Variants in MTUS2 observed in about 807,000 individuals in gnomAD.
MTUS2 encodes the protein microtubule associated scaffold protein 2.
A neutral mutation model predicts 114.1 loss-of-function variants in MTUS2; 40 were observed. That is an observed-to-expected ratio of 0.35 (90% CI 0.27 to 0.46). MTUS2 has a LOEUF of 0.46. Among genes scored for constraint, MTUS2 ranks in the 20% least tolerant of loss-of-function variants. The pLI is 1.00. For missense variants in MTUS2, 1,679 were observed against 1,705.4 expected (o/e 0.98, Z 0.27); for synonymous variants, 688 against 672.0 (o/e 1.02, Z -0.37).
At chr13:29,188,833 A>G (rs1593577852) in intron 5 of MTUS2, among the ~76,000 whole-genome samples, 1 of 151,648 alleles carries the variant, frequency 6.6e-6, no homozygotes, top group Non-Finnish European at 1.5e-5. Context: ...GCAGTGAGGG[A>G]CTCCCCCTGC....
intron 5 of MTUS2, among the ~76,000 whole-genome samples, chr13:29,108,437 T>C (rs1459057831): frequency 6.6e-6 from 1 of 152,244 alleles, no homozygotes; most frequent in Non-Finnish European, 1.5e-5. Flanking sequence ...AACATTTTTA[T>C]TTATAGTACA....
chr13:29,188,945 C>T (rs1381037323), intron 5 of MTUS2, among the ~76,000 whole-genome samples: 8 of 152,080 alleles, frequency 5.3e-5, no homozygotes, highest in Admixed American at 5.2e-4. Flanking sequence ...TTCTTCAGAC[C>T]CCCTACACAG....
At chr13:28,867,361 A>G (rs1437882816) in intron 2 of MTUS2, among the ~76,000 whole-genome samples, 1 of 152,194 alleles carries the variant, frequency 6.6e-6, no homozygotes, top group Non-Finnish European at 1.5e-5. Context: ...AAAAAATTAT[A>G]AGAAAAAATA....
intron 2 of MTUS2, among the ~76,000 whole-genome samples, chr13:28,961,029 G>T (rs1883302489): frequency 6.6e-6 from 1 of 152,144 alleles, no homozygotes; most frequent in African/African-American, 2.4e-5. Flanking sequence ...AGGAATGGAG[G>T]AGACAGAGGA....
chr13:29,355,823 G>A (rs777356453), intron 7 of MTUS2, among the ~76,000 whole-genome samples: 4 of 152,110 alleles, frequency 2.6e-5, no homozygotes, highest in Admixed American at 6.5e-5. Context: ...TTAACAGTTC[G>A]GTAGTGTACT....
chr13:29,467,297 T>C (rs1025570745), intron 9 of MTUS2, among the ~76,000 whole-genome samples: 11 of 152,370 alleles, frequency 7.2e-5, no homozygotes, highest in African/African-American at 2.4e-4. Flanking sequence ...ATGGAGATGA[T>C]GGTACCTTAC....
At chr13:28,915,939 T>A (rs923949393) in intron 2 of MTUS2, among the ~76,000 whole-genome samples, 1 of 151,994 alleles carries the variant, frequency 6.6e-6, no homozygotes, top group African/African-American at 2.4e-5. Flanking sequence ...GTCTTAGATT[T>A]CTAAGTCTTT....
chr13:28,945,596 A>C (rs1345911379), intron 2 of MTUS2, among the ~76,000 whole-genome samples: 7 of 152,004 alleles, frequency 4.6e-5, no homozygotes, highest in African/African-American at 1.7e-4. Flanking sequence ...ACATTTTTTC[A>C]TATATTTGTT....
chr13:29,270,323 C>A (rs534047507), intron 5 of MTUS2, among the ~76,000 whole-genome samples: 3 of 152,136 alleles, frequency 2.0e-5, no homozygotes, highest in African/African-American at 2.4e-5. Context: ...AAGCACCCCC[C>A]TCAGGAGGAG....
chr13:29,241,784 G>T (rs77782397), intron 5 of MTUS2, among the ~76,000 whole-genome samples: 3,652 of 152,198 alleles, frequency 0.024, 129 homozygotes, highest in African/African-American at 0.083. Context: ...ACATTATGAT[G>T]GTGGAGGTTG....
At chr13:29,352,965 A>G (rs750312789) in intron 7 of MTUS2, among the ~76,000 whole-genome samples, 1 of 152,082 alleles carries the variant, frequency 6.6e-6, no homozygotes, top group Non-Finnish European at 1.5e-5. Flanking sequence ...TTATTCCTCT[A>G]GCTTCTTAAA....
intron 11 of MTUS2, among the ~76,000 whole-genome samples, chr13:29,491,596 TGTG>T (rs1292474881): frequency 6.9e-6 from 1 of 145,668 alleles, no homozygotes; most frequent in African/African-American, 2.6e-5. Context: ...GTGTGACAGG[TGTG>T]TGTGTGTGGC....
intron 4 of MTUS2, among the ~76,000 whole-genome samples, chr13:29,062,204 T>A (rs966373600): frequency 6.6e-6 from 1 of 152,184 alleles, no homozygotes; most frequent in East Asian, 1.9e-4. Flanking sequence ...CAGGCTGGTC[T>A]TGAACTCCTG....
At chr13:29,368,082 G>A (rs1430061812) in intron 8 of MTUS2, among the ~76,000 whole-genome samples, 1 of 151,952 alleles carries the variant, frequency 6.6e-6, no homozygotes, top group African/African-American at 2.4e-5. Context: ...GGGACTACAG[G>A]TGCCTGCCAC....
chr13:29,352,152 G>A (rs1052194656), intron 7 of MTUS2, among the ~76,000 whole-genome samples: 4 of 152,144 alleles, frequency 2.6e-5, no homozygotes, highest in African/African-American at 9.7e-5. Context: ...AGACTGAACT[G>A]AGTTAAATCC....
chr13:29,452,570 ATATATGTGTG>A (rs1240960200), intron 9 of MTUS2, among the ~76,000 whole-genome samples: 113 of 131,250 alleles, frequency 8.6e-4, no homozygotes, highest in Non-Finnish European at 1.5e-3. Flanking sequence ...ATATATATAT[ATATATGTGTG>A]TGTGTGTGTG....
At chr13:28,956,012 CA>C (rs1883044045) in intron 2 of MTUS2, among the ~76,000 whole-genome samples, 1 of 151,424 alleles carries the variant, frequency 6.6e-6, no homozygotes, top group Non-Finnish European at 1.5e-5. Flanking sequence ...CCCGTTACCC[CA>C]GCAGTATCCA....
At chr13:29,427,584 T>C (rs1876644214) in intron 8 of MTUS2, among the ~76,000 whole-genome samples, 1 of 152,218 alleles carries the variant, frequency 6.6e-6, no homozygotes, top group South Asian at 2.1e-4. Context: ...AAAGAAAGGT[T>C]TCCGTTTATT....
intron 7 of MTUS2, among the ~76,000 whole-genome samples, chr13:29,327,276 T>C (rs1196291017): frequency 6.6e-6 from 1 of 152,196 alleles, no homozygotes; most frequent in Non-Finnish European, 1.5e-5. Context: ...GCTTAAAGTA[T>C]AGAACTTGGT....
Sources: gnomAD v4.1 joint callset for allele counts (sites outside exome capture counted in the v4.1 genomes callset) on GRCh38, gnomAD v4.1.1 for gene constraint, MANE v1.5 for transcripts, NCBI Gene and HGNC (gene_info 2026-07-23, HGNC 2026-07-21) for gene names.